Variants in CNTNAP5 observed in about 807,000 individuals in gnomAD.
CNTNAP5 encodes the protein contactin associated protein family member 5, also known as contactin-associated protein-like 5.
In CNTNAP5, 72 loss-of-function variants were observed where a neutral mutation model predicts 150.2. The observed-to-expected ratio is 0.48, with a 90% confidence interval of 0.40 to 0.58. CNTNAP5 has a LOEUF of 0.58. CNTNAP5 is among the 20% of genes least tolerant of loss of function. CNTNAP5 has a pLI of 0.00. For synonymous variants in CNTNAP5, 672 were observed against 619.8 expected, an observed-to-expected ratio of 1.08 and a Z score of -1.25; for missense variants, 1,636 against 1,626.2, an observed-to-expected ratio of 1.01 and a Z score of -0.10.
intron 19 of CNTNAP5, among the ~76,000 whole-genome samples, chr2:124,839,295 G>A (rs984650562): frequency 4.6e-5 from 7 of 152,072 alleles, no homozygotes; most frequent in South Asian, 4.1e-4. Context: ...AGGGAATGAC[G>A]TGAGAGGGGC....
At chr2:124,749,678 T>A (rs2105147986) in intron 14 of CNTNAP5, among the ~76,000 whole-genome samples, 1 of 152,286 alleles carries the variant, frequency 6.6e-6, no homozygotes, top group South Asian at 2.1e-4. Context: ...CCTCCCAAAG[T>A]GCTGGGATTA....
At position 124,798,148 on chromosome 2, in the gene CNTNAP5, A is replaced by G. The variant is rs926785458; in HGVS notation, c.3045A>G (p.Glu1015=). Residue 1015 remains glutamate (E), a synonymous_variant, in exon 19 of 24, where the codon GAA becomes GAG. Coordinates refer to ENST00000682447, the MANE Select transcript of CNTNAP5 (RefSeq NM_001367498.1). The part of the protein sequence containing the change: ...AGTSVTYMFQ[E]PYPVTKNISL... ...CGTCGGTTACTTACATGTTTCAAGA[A>G]CCCTATCCTGTGACCAAGAATATAA... 1.2e-6 allele frequency: 2 copies of G among 1,613,640 alleles called. No homozygotes were observed. Among genetic ancestry groups the G allele is most frequent in the Admixed American group, 1.7e-5 (1 of 59,958 alleles).
intron 1 of CNTNAP5, among the ~76,000 whole-genome samples, chr2:124,215,613 ACCTTTTTTCTTTTG>A (rs1459400304): frequency 2.0e-5 from 3 of 148,730 alleles, no homozygotes; most frequent in East Asian, 2.0e-4. Flanking sequence ...TTCTCTTCTT[ACCTTTTTTCTTTTG>A]CCTTTTTTCT....
intron 3 of CNTNAP5, among the ~76,000 whole-genome samples, chr2:124,387,782 A>T (rs1690968177): frequency 6.6e-6 from 1 of 152,164 alleles, no homozygotes; most frequent in African/African-American, 2.4e-5. Context: ...TGCAAGTCAC[A>T]GGGGATGCGA....
chr2:124,268,968 C>G (rs997486685), intron 3 of CNTNAP5, among the ~76,000 whole-genome samples: 1 of 152,072 alleles, frequency 6.6e-6, no homozygotes, highest in Non-Finnish European at 1.5e-5. Flanking sequence ...GCCAGGACCC[C>G]TAAGTGCTCG....
intron 19 of CNTNAP5, among the ~76,000 whole-genome samples, chr2:124,829,152 GTT>G (rs1048875093): frequency 6.6e-6 from 1 of 152,142 alleles, no homozygotes; most frequent in Admixed American, 6.5e-5. Flanking sequence ...GCCCTATCCT[GTT>G]TTGTCTTCAA....
rs556571236 is a variant in CNTNAP5 at position 124,057,448 on chromosome 2, A to ATTTTTTTTTTTTTTTTTTTTTTTTTTTT, written c.82+31739_82+31740insTTTTTTTTTTTTTTTTTTTTTTTTTTTT. 3.8e-4 allele frequency among the ~76,000 whole-genome samples: 24 copies of ATTTTTTTTTTTTTTTTTTTTTTTTTTTT among 62,782 alleles called. 4 individuals are homozygous for ATTTTTTTTTTTTTTTTTTTTTTTTTTTT. Among genetic ancestry groups the ATTTTTTTTTTTTTTTTTTTTTTTTTTTT allele is most frequent in the African/African-American group, 5.5e-4 (7 of 12,744 alleles). 41.2% of individuals were successfully genotyped at this position (62,782 alleles called of 152,430 possible). ...AGGCACCCACCAGCACGGCCAGCTA[A>ATTTTTTTTTTTTTTTTTTTTTTTTTTTT]TTTTTTTTTTTTTTTTTTTTTTTAG... On this transcript the variant is annotated intron_variant, in intron 1 of 23. Transcript: ENST00000682447.
Position 124,045,916 on chromosome 2 carries a change from C to T in CNTNAP5, c.82+20184C>T, listed in dbSNP as rs1244457583. 4.6e-5 allele frequency among the ~76,000 whole-genome samples: 7 copies of T among 152,124 alleles called. 1 individual carries two copies. Among genetic ancestry groups the T allele is most frequent in the Non-Finnish European group, 1.0e-4 (7 of 68,036 alleles). ...TTTGTTTAAGAGGTGTTGTGAATCC[C>T]CTGAAATTGTGCACTCATCACTGTG... On this transcript the variant is annotated intron_variant, in intron 1 of 23. Coordinates refer to ENST00000682447, the MANE Select transcript of CNTNAP5 (RefSeq NM_001367498.1).
Position 124,909,824 on chromosome 2 carries a change from GACATAT to G in CNTNAP5, c.3656-1641_3656-1636del, listed in dbSNP as rs1346465322. Among the ~76,000 whole-genome samples, 45 of 29,208 alleles carry G rather than the reference GACATAT, an allele frequency of 1.5e-3. 2 individuals are homozygous for G. Among genetic ancestry groups the G allele is most frequent in the African/African-American group, 3.9e-3 (41 of 10,466 alleles). 19.2% of individuals were successfully genotyped at this position (29,208 alleles called of 152,430 possible). A position where few individuals can be genotyped will look rare whatever the true frequency, so the allele number is the denominator to read the frequency against. On this transcript the variant is annotated intron_variant, in intron 22 of 23. Coordinates refer to ENST00000682447, the MANE Select transcript of CNTNAP5 (RefSeq NM_001367498.1). The stretch of plus-strand genomic sequence containing the variant: ...TATCACCCCATCGTTATCAATTGGT[GACATAT>G]ATATATATATATATATATATATATA...
chr2:124,338,710 C>T (rs1689535653), intron 3 of CNTNAP5, among the ~76,000 whole-genome samples: 1 of 151,992 alleles, frequency 6.6e-6, no homozygotes, highest in Admixed American at 6.6e-5. Context: ...CCTTCTCTGC[C>T]ATTGGAGGTT....
intron 7 of CNTNAP5, among the ~76,000 whole-genome samples, chr2:124,499,056 G>A (rs891301958): frequency 1.3e-5 from 2 of 152,164 alleles, no homozygotes; most frequent in Non-Finnish European, 2.9e-5. Context: ...AGCAATGCTA[G>A]ATACATTGCA....
intron 10 of CNTNAP5, among the ~76,000 whole-genome samples, chr2:124,540,648 C>A (rs535327290): frequency 6.6e-6 from 1 of 151,904 alleles, no homozygotes; most frequent in East Asian, 2.0e-4. Flanking sequence ...TTCCTTGGAT[C>A]AGGAATCTGC....
At chr2:124,463,623 A>C (rs923447875) in intron 6 of CNTNAP5, among the ~76,000 whole-genome samples, 4 of 152,194 alleles carry the variant, frequency 2.6e-5, no homozygotes, top group African/African-American at 9.7e-5. Context: ...AACATGGGCC[A>C]GTGTGCTCAC....
chr2:124,704,111 G>A (rs560829855), intron 13 of CNTNAP5, among the ~76,000 whole-genome samples: 50 of 152,244 alleles, frequency 3.3e-4, no homozygotes, highest in African/African-American at 1.1e-3. Flanking sequence ...ACATTAAATT[G>A]CTTTAGTTCT....
chr2:124,191,886 G>T (rs956120184), intron 1 of CNTNAP5, among the ~76,000 whole-genome samples: 1 of 151,388 alleles, frequency 6.6e-6, no homozygotes, highest in African/African-American at 2.4e-5. Context: ...GCAACAGAGC[G>T]AGACTCCATC....
intron 21 of CNTNAP5, among the ~76,000 whole-genome samples, chr2:124,894,449 A>C (rs184413592): frequency 6.6e-6 from 1 of 151,748 alleles, no homozygotes; most frequent in Non-Finnish European, 1.5e-5. Flanking sequence ...CACATCAAGT[A>C]AATAATGAAC....
chr2:124,642,289 G>A (rs1048091667), intron 12 of CNTNAP5, among the ~76,000 whole-genome samples: 1 of 152,020 alleles, frequency 6.6e-6, no homozygotes, highest in African/African-American at 2.4e-5. Context: ...TGTTATTGTT[G>A]AGTGTGCGTG....
At chr2:124,652,061 T>G (rs1678335088) in intron 13 of CNTNAP5, among the ~76,000 whole-genome samples, 1 of 152,222 alleles carries the variant, frequency 6.6e-6, no homozygotes, top group South Asian at 2.1e-4. Flanking sequence ...GACTGAACCA[T>G]GACACTGTCA....
intron 12 of CNTNAP5, among the ~76,000 whole-genome samples, chr2:124,627,454 C>A (rs1051818799): frequency 3.8e-4 from 57 of 150,738 alleles, no homozygotes; most frequent in Admixed American, 6.6e-4. Context: ...GGACCCCCAG[C>A]AAACCACAGC....
Sources: gnomAD v4.1 joint callset for allele counts (sites outside exome capture counted in the v4.1 genomes callset) on GRCh38, gnomAD v4.1.1 for gene constraint, MANE v1.5 for transcripts, NCBI Gene and HGNC (gene_info 2026-07-23, HGNC 2026-07-21) for gene names.